CCDC91: variants seen among roughly 807,000 people sequenced by gnomAD.
CCDC91 encodes coiled-coil domain-containing protein 91.
A neutral mutation model predicts 63.2 loss-of-function variants in CCDC91; 48 were observed. That is an observed-to-expected ratio of 0.76 (90% CI 0.60 to 0.97). The LOEUF (loss-of-function observed/expected upper bound fraction) is 0.97. Ranked by LOEUF, CCDC91 falls within the 50% of genes least tolerant of loss-of-function variation. The pLI is 0.00. For synonymous variants in CCDC91, 167 were observed against 165.8 expected, an observed-to-expected ratio of 1.01 and a Z score of -0.06; for missense variants, 500 against 494.6, an observed-to-expected ratio of 1.01 and a Z score of -0.10.
chr12:28,289,104 A>G (rs916335338), intron 3 of CCDC91, among the ~76,000 whole-genome samples: 3 of 148,962 alleles, frequency 2.0e-5, no homozygotes, highest in Admixed American at 6.7e-5. Flanking sequence ...CTAGTGGTCT[A>G]TTTTACCAAT....
chr12:28,515,973 GT>G (rs1565505851), intron 12 of CCDC91, among the ~76,000 whole-genome samples: 1 of 151,836 alleles, frequency 6.6e-6, no homozygotes, highest in Non-Finnish European at 1.5e-5. Context: ...ATTGAAAGGG[GT>G]TAGTTAGTAT....
intron 3 of CCDC91, among the ~76,000 whole-genome samples, chr12:28,301,300 G>A (rs1225851913): frequency 5.3e-5 from 8 of 151,362 alleles, no homozygotes; most frequent in Admixed American, 5.3e-4. Flanking sequence ...TTTATCACGG[G>A]CATTTCCAGA....
intron 8 of CCDC91, among the ~76,000 whole-genome samples, chr12:28,424,578 C>A (rs139506905): frequency 2.0e-5 from 3 of 151,882 alleles, no homozygotes; most frequent in Admixed American, 2.0e-4. Context: ...CATTAAATTG[C>A]CTATTTATTA....
At chr12:28,263,332 G>A (rs563755782) in intron 3 of CCDC91, among the ~76,000 whole-genome samples, 5 of 151,940 alleles carry the variant, frequency 3.3e-5, no homozygotes, top group East Asian at 3.9e-4. Context: ...CCGAAACTCC[G>A]TATCCAGCAA....
chr12:28,542,577 G>A (rs11049707), intron 12 of CCDC91, among the ~76,000 whole-genome samples: 5,332 of 152,130 alleles, frequency 0.035, 133 homozygotes, highest in Non-Finnish European at 0.053. Flanking sequence ...ATTTTCTGAC[G>A]TTCAAAGTTA....
chr12:28,520,510 A>G (rs1377107750), intron 12 of CCDC91, among the ~76,000 whole-genome samples: 3 of 152,078 alleles, frequency 2.0e-5, no homozygotes, highest in African/African-American at 4.8e-5. Context: ...ATTTTCTCCC[A>G]TTCTGTAGGT....
intron 6 of CCDC91, among the ~76,000 whole-genome samples, chr12:28,345,687 C>G (rs1471463302): frequency 2.3e-4 from 35 of 152,058 alleles, no homozygotes; most frequent in Admixed American, 1.8e-3. Context: ...TTTTCTGGTG[C>G]CCCAACAGCA....
At chr12:28,375,636 A>G (rs1346287091) in intron 7 of CCDC91, among the ~76,000 whole-genome samples, 7 of 151,950 alleles carry the variant, frequency 4.6e-5, no homozygotes, top group African/African-American at 1.7e-4. Context: ...CATGATTTCA[A>G]AAATCTTTTA....
intron 11 of CCDC91, among the ~76,000 whole-genome samples, chr12:28,483,118 A>G (rs1951536636): frequency 6.6e-6 from 1 of 152,012 alleles, no homozygotes; most frequent in Admixed American, 6.6e-5. Context: ...GAAATAGAGA[A>G]TCCTTTATAT....
At chr12:28,465,031 G>A (rs1181375944) in intron 11 of CCDC91, among the ~76,000 whole-genome samples, 1 of 152,076 alleles carries the variant, frequency 6.6e-6, no homozygotes, top group African/African-American at 2.4e-5. Flanking sequence ...GGGCCTTAAG[G>A]GCTCATGAGC....
At chr12:28,468,411 A>G (rs933409324) in intron 11 of CCDC91, among the ~76,000 whole-genome samples, 3 of 151,936 alleles carry the variant, frequency 2.0e-5, no homozygotes, top group Admixed American at 1.3e-4. Context: ...TAAAGCCTGA[A>G]CAGATGAATA....
At chr12:28,199,715 A>G (rs1337685105) in intron 1 of CCDC91, among the ~76,000 whole-genome samples, 3 of 152,240 alleles carry the variant, frequency 2.0e-5, no homozygotes, top group Admixed American at 1.3e-4. Flanking sequence ...TGCTAGAATT[A>G]GAATTCTTAG....
chr12:28,400,241 C>T (rs1475395434), intron 8 of CCDC91, among the ~76,000 whole-genome samples: 4 of 152,188 alleles, frequency 2.6e-5, no homozygotes, highest in African/African-American at 9.7e-5. Context: ...GGGGCTTGCA[C>T]CTTCTGAAGC....
intron 7 of CCDC91, among the ~76,000 whole-genome samples, chr12:28,369,442 C>A (rs1022945496): frequency 6.6e-6 from 1 of 152,210 alleles, no homozygotes; most frequent in Non-Finnish European, 1.5e-5. Flanking sequence ...CAGCTCTCCC[C>A]CTGAGGCTCT....
chr12:28,244,796 A>G (rs1256630278), intron 1 of CCDC91, among the ~76,000 whole-genome samples: 2 of 151,476 alleles, frequency 1.3e-5, no homozygotes, highest in African/African-American at 4.8e-5. Context: ...AGAGCAAAAG[A>G]CAGAAGCACA....
intron 11 of CCDC91, among the ~76,000 whole-genome samples, chr12:28,477,097 G>C (rs1019136036): frequency 8.5e-5 from 13 of 152,100 alleles, no homozygotes; most frequent in African/African-American, 1.9e-4. Context: ...AATAGAAAAA[G>C]GGAATCCTGC....
intron 1 of CCDC91, among the ~76,000 whole-genome samples, chr12:28,211,561 A>G (rs1029315970): frequency 2.0e-5 from 3 of 152,108 alleles, no homozygotes; most frequent in Non-Finnish European, 2.9e-5. Flanking sequence ...TTTTAAATGC[A>G]CTTCTGTAGA....
At chr12:28,533,098 C>T (rs1269906843) in intron 12 of CCDC91, among the ~76,000 whole-genome samples, 2 of 152,020 alleles carry the variant, frequency 1.3e-5, no homozygotes, top group Non-Finnish European at 2.9e-5. Flanking sequence ...TGATTAGTTA[C>T]GGTAGCCCCA....
intron 12 of CCDC91, among the ~76,000 whole-genome samples, chr12:28,527,624 G>A (rs950287227): frequency 1.6e-5 from 2 of 125,282 alleles, no homozygotes; most frequent in African/African-American, 5.0e-5. Context: ...ATGGGAGTAT[G>A]GGGGGGGAAC....
Sources: allele counts gnomAD v4.1 joint callset (sites outside exome capture counted in the v4.1 genomes callset), GRCh38; gene constraint gnomAD v4.1.1; transcripts MANE v1.5; gene names NCBI Gene and HGNC (gene_info 2026-07-23, HGNC 2026-07-21).